The following FOXP3 variants were observed in gnomAD, a reference collection of about 807,000 sequenced individuals.
FOXP3 encodes forkhead box P3, also known as forkhead box protein P3.
In FOXP3, 5 loss-of-function variants were observed where a neutral mutation model predicts 31.2. The observed-to-expected ratio is 0.16, with a 90% CI of 0.08 to 0.34. The LOEUF is 0.34. Among genes scored for constraint, FOXP3 ranks in the 10% least tolerant of loss-of-function variants. The pLI is 1.00. For missense variants in FOXP3, 251 were observed against 363.0 expected (o/e 0.69, Z 2.51); for synonymous variants, 141 against 148.8 (o/e 0.95, Z 0.38).
At chrX:49,258,243 T>A in intron 2 of FOXP3, 53 bp downstream of exon 2, 1 of 1,023,680 alleles carries the variant, frequency 9.8e-7, no homozygotes, top group Admixed American at 2.7e-5. Context: ...GGTCGGCACC[T>A]GTAGGTCCAG....
At chrX:49,261,856 C>T (rs781814016) in intron 1 of FOXP3, among the ~76,000 whole-genome samples, 27 of 111,893 alleles carry the variant, frequency 2.4e-4, no homozygotes, top group Admixed American at 1.8e-3. Context: ...TCAACTCTGC[C>T]GCTGCATTTC....
intron 1 of FOXP3, among the ~76,000 whole-genome samples, chrX:49,263,562 T>C (rs782727849): frequency 8.9e-6 from 1 of 112,693 alleles, no homozygotes; most frequent in East Asian, 2.8e-4. Flanking sequence ...TGAAAGATCA[T>C]GTGTTCAAAC....
rs2066130381 is a variant in FOXP3 at position 49,264,703 on chromosome X, G to C, written c.-65C>G. On this transcript the variant is annotated 5_prime_UTR_variant, in exon 1 of 12. Transcript: ENST00000376207. ...ACAGAAAAGGATCAGCCTGGCTTGT[G>C]GGAAACTGTCACGTATCAAAAACAA... is the stretch of plus-strand genomic sequence containing the variant. The C allele has an allele frequency of 1.3e-6, 1 of 751,810 alleles. No homozygotes were observed. The highest frequency in any genetic ancestry group is 8.9e-5 in the Admixed American group (1 of 11,291). The allele number at this position is 751,810 out of a possible 1,213,427, so 62.0% of individuals were successfully genotyped here. A position where few individuals can be genotyped will look rare whatever the true frequency, so the allele number is the denominator to read the frequency against.
Position 49,251,204 on chromosome X carries a change from GCAAGA to G in FOXP3, c.*125_*129del. On this transcript the variant is annotated 3_prime_UTR_variant, in exon 12 of 12. Transcript: ENST00000376207. ...AGCGGGGGAACAGGGGCCCTGGCAG[GCAAGA>G]CAGTGGAAACCTCACTTCTTGGTCC... The G allele has an allele frequency of 1.2e-6, 1 of 817,975 alleles. No homozygotes were observed. The highest frequency in any genetic ancestry group is 1.8e-6 in the Non-Finnish European group (1 of 569,243). 67.4% of individuals were successfully genotyped at this position (817,975 alleles called of 1,213,427 possible).
At chrX:49,261,870 G>A (rs782393184) in intron 1 of FOXP3, among the ~76,000 whole-genome samples, 158 of 112,064 alleles carry the variant, frequency 1.4e-3, no homozygotes, top group African/African-American at 5.0e-3. Flanking sequence ...GCATTTCGGT[G>A]AGGCCCTGAG....
chrX:49,258,795 C>A (rs2066092974), intron 1 of FOXP3, among the ~76,000 whole-genome samples: 1 of 112,084 alleles, frequency 8.9e-6, no homozygotes, highest in Non-Finnish European at 1.9e-5. Context: ...TAGCACAGCC[C>A]TGGTGTGGAT....
At chrX:49,251,552 C>T (rs782054015) in intron 11 of FOXP3, 69 bp from the exon 12 acceptor site, 1 of 1,210,665 alleles carries the variant, frequency 8.3e-7, no homozygotes, top group Admixed American at 2.2e-5. Flanking sequence ...CACCAACAAC[C>T]CACATCCCGT....
Position 49,258,498 on chromosome X carries a change from T to A in FOXP3, c.8A>T (p.Asn3Ile), listed in dbSNP as rs2066089534. 7.7e-6 allele frequency: 9 copies of A among 1,170,532 alleles called. No individual in the cohort carries two copies. Among genetic ancestry groups the A allele is most frequent in the Non-Finnish European group, 1.0e-5 (9 of 873,304 alleles). Residue 3 changes from asparagine (N) to isoleucine (I), a missense_variant, in exon 2 of 12, where the codon AAC (asparagine) becomes ATC (isoleucine). Asn to Ile is a moderately radical substitution (Grantham distance 149). Coordinates refer to ENST00000376207, the MANE Select transcript of FOXP3 (RefSeq NM_014009.4). MP[N>I]PRPGKPSAPS... ...GGCCGAGGGCTTGCCAGGCCTGGGG[T>A]TGGGCATCGGGTCCTTGTCCAAGGG...
In FOXP3 at chrX:49,256,907, CCAG is replaced by C. The variant is rs782008971; in HGVS notation, c.542+15_542+17del. The C allele has an allele frequency of 9.1e-6, 11 of 1,208,513 alleles. No homozygotes were observed. In the South Asian group the frequency reaches 1.8e-4, roughly 19 times the overall value. ...GGGGATAGGAGGGCGAGGATCCTTC[CCAG>C]CCCTGTCCACTGACCTGTCCTTCCT... On this transcript the variant is annotated intron_variant, in intron 5 of 11. Coordinates refer to ENST00000376207, the MANE Select transcript of FOXP3 (RefSeq NM_014009.4).
intron 8 of FOXP3, 64 bp downstream of exon 8, chrX:49,255,365 T>C: frequency 9.3e-7 from 1 of 1,071,168 alleles, no homozygotes; most frequent in East Asian, 3.2e-5. Flanking sequence ...CCCTGCACCG[T>C]GCAGACCTCC....
At chrX:49,260,876 G>A (rs1275484493) in intron 1 of FOXP3, among the ~76,000 whole-genome samples, 9 of 112,792 alleles carry the variant, frequency 8.0e-5, no homozygotes, top group African/African-American at 1.9e-4. Flanking sequence ...CACAGGTTTC[G>A]TTCCGAGAAC....
At position 49,250,782 on chromosome X, in the gene FOXP3, C is replaced by T. The variant is rs1557115368; in HGVS notation, c.*552G>A. 2 of 236,343 alleles carry T rather than the reference C, an allele frequency of 8.5e-6. No individual in the cohort carries two copies. The highest frequency in any genetic ancestry group is 4.8e-5 in the South Asian group (1 of 21,018). The allele number at this position is 236,343 out of a possible 1,213,427, so 19.5% of individuals were successfully genotyped here. ...GCTTCTGTGTAGGCCTCTGGGCACA[C>T]CCCTGTGTTGACAGTGCCCCTGTGG... On this transcript the variant is annotated 3_prime_UTR_variant, in exon 12 of 12. Transcript: ENST00000376207.
chrX:49,253,069 AG>A (rs1449211405), intron 10 of FOXP3, 56 bp downstream of exon 10: 116 of 1,057,693 alleles, frequency 1.1e-4, no homozygotes, highest in Non-Finnish European at 1.4e-4. Flanking sequence ...TTTGGGAGGC[AG>A]GTCCCCCACC....
At chrX:49,252,377 G>T (rs1359607291) in intron 10 of FOXP3, among the ~76,000 whole-genome samples, 15 of 110,912 alleles carry the variant, frequency 1.4e-4, no homozygotes, top group Non-Finnish European at 1.3e-4. Flanking sequence ...TCGGTGTGGA[G>T]TGAGGCTGAG....
chrX:49,252,505 C>T lies in FOXP3; in HGVS notation c.1044+621G>A, dbSNP rs1032275023. On this transcript the variant is annotated intron_variant, in intron 10 of 11. Coordinates refer to ENST00000376207, the MANE Select transcript of FOXP3 (RefSeq NM_014009.4). ...GTCAGGGTTTCAGTTCAGAGACAGT[C>T]GGGGAATATCTGGTATCATGTAGGG... is the stretch of plus-strand genomic sequence containing the variant. Among the ~76,000 whole-genome samples, 11 of 109,652 alleles carry T rather than the reference C, an allele frequency of 1.0e-4. No individual in the cohort carries two copies. In the Middle Eastern group the frequency reaches 0.019, roughly 185 times the overall value.
intron 8 of FOXP3, among the ~76,000 whole-genome samples, chrX:49,254,987 C>T (rs1484154874): frequency 9.9e-6 from 1 of 101,309 alleles, no homozygotes; most frequent in Admixed American, 1.1e-4. Context: ...CTTGATCTGT[C>T]GCCTAGGCTG....
At chrX:49,254,134 G>A (rs2147946157) in intron 8 of FOXP3, 67 bp from the exon 9 acceptor site, 2 of 1,130,468 alleles carry the variant, frequency 1.8e-6, no homozygotes, top group Non-Finnish European at 1.2e-6. Flanking sequence ...TCTATTTTAT[G>A]TTTTTTATTT....
Position 49,256,735 on chromosome X carries a change from G to A in FOXP3, c.647+16C>T, listed in dbSNP as rs2066075855. ...AAGCCAGGGCCGGTAGACTGGCACA[G>A]GCCTGGGCCACTCACTTGAGGAAGT... On this transcript the variant is annotated intron_variant, in intron 6 of 11. Coordinates refer to ENST00000376207, the MANE Select transcript of FOXP3 (RefSeq NM_014009.4). The A allele has an allele frequency of 8.3e-7, 1 of 1,198,495 alleles. No homozygotes were observed. Among genetic ancestry groups the A allele is most frequent in the Admixed American group, 2.2e-5 (1 of 45,906 alleles).
At position 49,257,509 on chromosome X, in the gene FOXP3, C is replaced by T. The variant is rs1033545455; in HGVS notation, c.372G>A (p.Glu124=). 8 of 1,164,521 alleles carry T rather than the reference C, an allele frequency of 6.9e-6. No individual in the cohort carries two copies. Among genetic ancestry groups the T allele is most frequent in the Non-Finnish European group, 9.2e-6 (8 of 868,363 alleles). The change falls in exon 4 of 12, where the codon GAG becomes GAA. Residue 124 remains glutamate (E), a synonymous_variant. Transcript: ENST00000376207. ...RTPVLQVHPL[E]SPAMISLTPP... ...GTGTGAGGCTGATCATGGCTGGGCTCTCCAGGGGGTGCACCTGCAGCACAG... is the reference window on the plus strand; with the variant it reads ...GTGTGAGGCTGATCATGGCTGGGCTTTCCAGGGGGTGCACCTGCAGCACAG...
Sources: gnomAD v4.1 joint callset for allele counts (sites outside exome capture counted in the v4.1 genomes callset) on GRCh38, gnomAD v4.1.1 for gene constraint, MANE v1.5 for transcripts, NCBI Gene and HGNC (gene_info 2026-07-23, HGNC 2026-07-21) for gene names.